L3MBTL4: variants seen among roughly 807,000 people sequenced by gnomAD.
L3MBTL4 encodes L3MBTL histone methyl-lysine binding protein 4.
A neutral mutation model predicts 84.5 loss-of-function variants in L3MBTL4; 70 were observed. The observed-to-expected ratio is 0.83, with a 90% CI of 0.68 to 1.01. L3MBTL4 has a LOEUF of 1.01. L3MBTL4 is among the 50% of genes least tolerant of loss of function. The pLI is 0.00. For missense variants in L3MBTL4, 715 were observed against 754.8 expected (o/e 0.95, Z 0.62); for synonymous variants, 274 against 259.8 (o/e 1.05, Z -0.52).
rs967358941 is a variant in L3MBTL4 at position 5,980,727 on chromosome 18, C to T, written c.1445-11165G>A. 1.2e-4 allele frequency among the ~76,000 whole-genome samples: 18 copies of T among 152,172 alleles called. 1 individual carries two copies. The highest frequency in any genetic ancestry group is 2.4e-4 in the African/African-American group (10 of 41,436). On this transcript the variant is annotated intron_variant, in intron 16 of 18. Coordinates refer to ENST00000317931, the MANE Select transcript of L3MBTL4 (RefSeq NM_001330559.2). Reference sequence around the variant, plus strand: ...GATTACAAGCATGAGCCACAGTGCCCGGCCTGTGCACTTCTTTTCACATTT... The same window carrying T: ...GATTACAAGCATGAGCCACAGTGCCTGGCCTGTGCACTTCTTTTCACATTT...
intron 8 of L3MBTL4, among the ~76,000 whole-genome samples, chr18:6,240,173 A>G (rs1857900218): frequency 6.6e-6 from 1 of 152,064 alleles, no homozygotes; most frequent in South Asian, 2.1e-4. Flanking sequence ...ATTTGTATTA[A>G]TTTTAAAATA....
At chr18:6,318,907 A>T (rs145928196) in intron 1 of L3MBTL4, among the ~76,000 whole-genome samples, 210 of 152,252 alleles carry the variant, frequency 1.4e-3, no homozygotes, top group African/African-American at 4.8e-3. Context: ...ATACATTTTA[A>T]CATATCAAAA....
At chr18:6,146,975 C>A (rs2144766603) in intron 13 of L3MBTL4, among the ~76,000 whole-genome samples, 1 of 152,076 alleles carries the variant, frequency 6.6e-6, no homozygotes, top group Non-Finnish European at 1.5e-5. Context: ...TCTCCACTGA[C>A]AGCTTTTATG....
chr18:5,990,152 G>T (rs1400606382), intron 16 of L3MBTL4, among the ~76,000 whole-genome samples: 2 of 152,242 alleles, frequency 1.3e-5, no homozygotes, highest in Non-Finnish European at 2.9e-5. Context: ...GGGCAGGGAA[G>T]TAAGATGATC....
intron 1 of L3MBTL4, among the ~76,000 whole-genome samples, chr18:6,385,698 C>G (rs2054789721): frequency 6.6e-6 from 1 of 152,116 alleles, no homozygotes; most frequent in Non-Finnish European, 1.5e-5. Context: ...TAAATTAATT[C>G]TTTATCCTCT....
chr18:6,014,446 T>C (rs1172382363), intron 16 of L3MBTL4, among the ~76,000 whole-genome samples: 1 of 152,116 alleles, frequency 6.6e-6, no homozygotes, highest in East Asian at 1.9e-4. Flanking sequence ...AGAGGAGAAG[T>C]AGAGGCTGCT....
chr18:6,148,782 C>A (rs1408833093), intron 13 of L3MBTL4, among the ~76,000 whole-genome samples: 1 of 151,864 alleles, frequency 6.6e-6, no homozygotes, highest in Non-Finnish European at 1.5e-5. Flanking sequence ...TATTGGCATA[C>A]ACAAAAAAAT....
chr18:6,130,658 A>T (rs969962570), intron 14 of L3MBTL4, among the ~76,000 whole-genome samples: 1 of 152,218 alleles, frequency 6.6e-6, no homozygotes, highest in African/African-American at 2.4e-5. Flanking sequence ...AGGTAGATCA[A>T]GTCTTCTGGA....
intron 1 of L3MBTL4, among the ~76,000 whole-genome samples, chr18:6,403,617 C>T (rs192772406): frequency 1.4e-4 from 21 of 152,322 alleles, no homozygotes; most frequent in African/African-American, 5.1e-4. Context: ...TATATATTCA[C>T]TTTTCTGACA....
chr18:6,214,477 T>C (rs575177729), intron 11 of L3MBTL4, among the ~76,000 whole-genome samples: 5 of 152,368 alleles, frequency 3.3e-5, no homozygotes, highest in East Asian at 1.9e-4. Flanking sequence ...AAGTGTTCAA[T>C]TGGTTTTATT....
intron 14 of L3MBTL4, among the ~76,000 whole-genome samples, chr18:6,122,328 T>C (rs1324158332): frequency 6.6e-6 from 1 of 152,154 alleles, no homozygotes; most frequent in African/African-American, 2.4e-5. Context: ...CAAAAATAAG[T>C]TGTACTATCA....
intron 10 of L3MBTL4, among the ~76,000 whole-genome samples, chr18:6,233,387 T>A (rs2047079172): frequency 6.7e-6 from 1 of 149,762 alleles, no homozygotes; most frequent in Non-Finnish European, 1.5e-5. Flanking sequence ...ATTGTCCCTG[T>A]TTGCAGATGA....
intron 3 of L3MBTL4, among the ~76,000 whole-genome samples, chr18:6,304,714 ACTTTAC>A (rs1343651894): frequency 1.3e-5 from 2 of 152,338 alleles, no homozygotes; most frequent in East Asian, 3.9e-4. Flanking sequence ...CCATGGTAGC[ACTTTAC>A]CCCAGTTCCA....
rs139616618 is a variant in L3MBTL4 at position 5,965,775 on chromosome 18, T to C, written c.1614+3618A>G. Among the ~76,000 whole-genome samples, 598 of 152,258 alleles carry C rather than the reference T, an allele frequency of 3.9e-3. 4 individuals are homozygous for C. Among genetic ancestry groups the C allele is most frequent in the Non-Finnish European group, 5.5e-3 (376 of 68,016 alleles). On this transcript the variant is annotated intron_variant, in intron 17 of 18. Coordinates refer to ENST00000317931, the MANE Select transcript of L3MBTL4 (RefSeq NM_001330559.2). Reference sequence around the variant, plus strand: ...TAGTGTGTGAGGACATGGAAAGAAATTCAGGATGCGGTCCTTGTCCTCAGG... The same window carrying C: ...TAGTGTGTGAGGACATGGAAAGAAACTCAGGATGCGGTCCTTGTCCTCAGG...
chr18:6,264,935 G>A (rs893011567), intron 4 of L3MBTL4, among the ~76,000 whole-genome samples: 2 of 152,202 alleles, frequency 1.3e-5, no homozygotes, highest in African/African-American at 4.8e-5. Context: ...ACAAAGTAAA[G>A]GTCCACAAAG....
intron 16 of L3MBTL4, among the ~76,000 whole-genome samples, chr18:5,974,906 A>G (rs545695401): frequency 1.3e-5 from 2 of 151,548 alleles, no homozygotes; most frequent in South Asian, 4.2e-4. Context: ...CAAAGCTGCA[A>G]TGAGTTATGA....
At chr18:6,109,641 G>A (rs1042991686) in intron 14 of L3MBTL4, among the ~76,000 whole-genome samples, 12 of 152,060 alleles carry the variant, frequency 7.9e-5, no homozygotes, top group Non-Finnish European at 1.8e-4. Context: ...AAATGCCCAC[G>A]TGCAAACCTA....
intron 12 of L3MBTL4, among the ~76,000 whole-genome samples, chr18:6,172,175 C>T (rs892151253): frequency 2.0e-5 from 3 of 152,148 alleles, no homozygotes; most frequent in Admixed American, 6.5e-5. Flanking sequence ...AAAACTTTGT[C>T]AGGGATTGAC....
Position 6,080,887 on chromosome 18 carries a change from A to G in L3MBTL4, c.1438T>C (p.Phe480Leu), listed in dbSNP as rs777962167. 1 of 1,604,774 alleles carries G rather than the reference A, an allele frequency of 6.2e-7. No individual in the cohort carries two copies. Among genetic ancestry groups the G allele is most frequent in the African/African-American group, 1.3e-5 (1 of 74,894 alleles). The change falls in exon 16 of 19, where the codon TTC becomes CTC. Residue 480 changes from phenylalanine (F) to leucine (L), a missense_variant. Coordinates refer to ENST00000317931, the MANE Select transcript of L3MBTL4 (RefSeq NM_001330559.2). ...GKEDIDLDNL[F>L]REYSVEQAQQ... ...CTAGTGTTTTTGTTTTTACCTCTGA[A>G]GAGATTATCCAAGTCAATATCTTCT... is the stretch of plus-strand genomic sequence containing the variant.
Sources: allele counts gnomAD v4.1 joint callset (sites outside exome capture counted in the v4.1 genomes callset), GRCh38; gene constraint gnomAD v4.1.1; transcripts MANE v1.5; gene names NCBI Gene and HGNC (gene_info 2026-07-23, HGNC 2026-07-21).